PAPPA: variants seen among roughly 807,000 people sequenced by gnomAD.
PAPPA encodes the protein pappalysin 1.
In PAPPA, 60 loss-of-function variants were observed where a neutral mutation model predicts 164.0. The ratio of observed to expected loss-of-function variants is 0.37; its 90% CI spans 0.30 to 0.45. The LOEUF (loss-of-function observed/expected upper bound fraction) is 0.45, where lower values mean the gene tolerates loss of function less well. Among genes scored for constraint, PAPPA ranks in the 20% least tolerant of loss-of-function variants. The pLI is 1.00. For missense variants in PAPPA, 1,782 were observed against 2,087.3 expected (o/e 0.85, Z 2.85); for synonymous variants, 875 against 814.1 (o/e 1.07, Z -1.27).
At chr9:116,286,783 T>A (rs1372262191) in intron 9 of PAPPA, 1 of 152,240 alleles carries the variant, frequency 6.6e-6, no homozygotes, top group African/African-American at 2.4e-5. Context: ...CTTTAAAAAA[T>A]TTGTTTTTTA....
At chr9:116,363,268 T>C (rs2118633675) in intron 18 of PAPPA, among the ~76,000 whole-genome samples, 1 of 152,240 alleles carries the variant, frequency 6.6e-6, no homozygotes, top group Non-Finnish European at 1.5e-5. Flanking sequence ...CAATAACCTT[T>C]AACAGATGAG....
At chr9:116,306,208 C>G (rs1318627415) in intron 10 of PAPPA, among the ~76,000 whole-genome samples, 1 of 152,192 alleles carries the variant, frequency 6.6e-6, no homozygotes, top group Non-Finnish European at 1.5e-5. Flanking sequence ...AAATACCCAG[C>G]CTCTGACCTA....
intron 13 of PAPPA, among the ~76,000 whole-genome samples, chr9:116,341,416 T>A (rs1846135584): frequency 6.6e-6 from 1 of 152,184 alleles, no homozygotes; most frequent in Admixed American, 6.5e-5. Context: ...ATTTTATACC[T>A]GCTCTTCCCT....
At chr9:116,382,733 G>A (rs185977227) in intron 21 of PAPPA, among the ~76,000 whole-genome samples, 1 of 152,264 alleles carries the variant, frequency 6.6e-6, no homozygotes, top group Admixed American at 6.5e-5. Flanking sequence ...TACGGAAGCA[G>A]GTAATAAAAC....
chr9:116,162,625 A>T (rs1462316830), intron 1 of PAPPA, among the ~76,000 whole-genome samples: 1 of 152,204 alleles, frequency 6.6e-6, no homozygotes, highest in Non-Finnish European at 1.5e-5. Flanking sequence ...TGCAGATAAT[A>T]CTAGCTGTTA....
At chr9:116,179,627 C>G (rs1248391736) in intron 1 of PAPPA, among the ~76,000 whole-genome samples, 1 of 152,198 alleles carries the variant, frequency 6.6e-6, no homozygotes, top group Non-Finnish European at 1.5e-5. Flanking sequence ...CCCCAGGTAC[C>G]CTCCTCGGTG....
Position 116,265,878 on chromosome 9 carries a change from G to A in PAPPA, c.2754G>A (p.Val918=). The A allele has an allele frequency of 6.2e-7, 1 of 1,606,798 alleles. No homozygotes were observed. Among genetic ancestry groups the A allele is most frequent in the African/African-American group, 1.3e-5 (1 of 74,932 alleles). The change falls in exon 8 of 22, where the codon GTG becomes GTA. Residue 918 remains valine, a synonymous_variant. Coordinates refer to ENST00000328252, the MANE Select transcript of PAPPA (RefSeq NM_002581.5). ...FVDMDLNLGS[V]YQYWVITISG... Reference sequence around the variant, plus strand: ...CCAGGGATCTAAATCTTGGCAGTGTGTACCAGTATTGGGTCATAACTATTT... The same window carrying A: ...CCAGGGATCTAAATCTTGGCAGTGTATACCAGTATTGGGTCATAACTATTT...
Position 116,398,329 on chromosome 9 carries a change from T to C in PAPPA, c.*1713T>C. On this transcript the variant is annotated 3_prime_UTR_variant, in exon 22 of 22. Transcript: ENST00000328252. ...GAAGGTCTAGACTAGTTACATCACA[T>C]AGGGATTACTGTAAATCAAGTCATC... is the stretch of plus-strand genomic sequence containing the variant. The C allele has an allele frequency of 3.2e-6, 1 of 313,660 alleles. No homozygotes were observed. Among genetic ancestry groups the C allele is most frequent in the South Asian group, 2.7e-5 (1 of 36,718 alleles). 19.4% of individuals were successfully genotyped at this position (313,660 alleles called of 1,614,324 possible).
At chr9:116,219,735 T>C (rs1392581326) in intron 4 of PAPPA, among the ~76,000 whole-genome samples, 1 of 152,142 alleles carries the variant, frequency 6.6e-6, no homozygotes, top group Non-Finnish European at 1.5e-5. Flanking sequence ...CCCTCCTGTT[T>C]CCTCTCACCT....
At chr9:116,204,052 A>G (rs1303711539) in intron 2 of PAPPA, among the ~76,000 whole-genome samples, 1 of 152,168 alleles carries the variant, frequency 6.6e-6, no homozygotes, top group African/African-American at 2.4e-5. Context: ...GTTCTTTCCC[A>G]GCAGGAGAAA....
intron 10 of PAPPA, among the ~76,000 whole-genome samples, chr9:116,312,288 C>CTTTCT (rs1845728233): frequency 3.1e-5 from 4 of 129,636 alleles, no homozygotes; most frequent in South Asian, 2.5e-4. Context: ...TTCTTTCTTT[C>CTTTCT]TTTTTTTTTT....
chr9:116,310,659 T>C (rs1343938426), intron 10 of PAPPA, among the ~76,000 whole-genome samples: 1 of 152,206 alleles, frequency 6.6e-6, no homozygotes, highest in East Asian at 1.9e-4. Flanking sequence ...TCTCTTCTAT[T>C]CATCCTTTGG....
intron 13 of PAPPA, among the ~76,000 whole-genome samples, chr9:116,337,594 C>T (rs13294988): frequency 0.59 from 90,049 of 151,646 alleles, 27,959 homozygotes; most frequent in Middle Eastern, 0.73. Context: ...AGTACTGTTT[C>T]TCCCCTCCCC....
At chr9:116,311,424 C>A (rs1845716531) in intron 10 of PAPPA, among the ~76,000 whole-genome samples, 1 of 152,134 alleles carries the variant, frequency 6.6e-6, no homozygotes, top group Non-Finnish European at 1.5e-5. Flanking sequence ...ATGGAATTAA[C>A]CTTAGAGGTT....
intron 10 of PAPPA, among the ~76,000 whole-genome samples, chr9:116,313,774 G>A (rs886418072): frequency 1.3e-5 from 2 of 152,148 alleles, no homozygotes; most frequent in Non-Finnish European, 2.9e-5. Flanking sequence ...GAACTAATTG[G>A]TTTAATTTTA....
At chr9:116,342,085 C>T (rs1402404465) in intron 13 of PAPPA, among the ~76,000 whole-genome samples, 1 of 152,208 alleles carries the variant, frequency 6.6e-6, no homozygotes, top group Non-Finnish European at 1.5e-5. Context: ...TCATCTTTCC[C>T]TCTGGGTCTT....
chr9:116,260,007 T>G (rs1425863750), intron 7 of PAPPA, among the ~76,000 whole-genome samples: 2 of 152,200 alleles, frequency 1.3e-5, no homozygotes, highest in African/African-American at 4.8e-5. Context: ...ACGCCAGATC[T>G]ACTTGTAGCA....
chr9:116,242,012 A>T (rs939797312), intron 7 of PAPPA, among the ~76,000 whole-genome samples: 6 of 152,168 alleles, frequency 3.9e-5, no homozygotes, highest in African/African-American at 1.4e-4. Flanking sequence ...CATGTTAAGT[A>T]ATACTTGTCC....
Position 116,332,579 on chromosome 9 carries a change from T to C in PAPPA, c.3397+111T>C. On this transcript the variant is annotated intron_variant, in intron 12 of 21. Coordinates refer to ENST00000328252, the MANE Select transcript of PAPPA (RefSeq NM_002581.5). Reference sequence around the variant, plus strand: ...TGAGCTCTTCCTTCCTTTTTCCCCTTTCTTGCTTCTTTTCTATTTGGCATT... The same window carrying C: ...TGAGCTCTTCCTTCCTTTTTCCCCTCTCTTGCTTCTTTTCTATTTGGCATT... 4.1e-6 allele frequency: 4 copies of C among 969,008 alleles called. No homozygotes were observed. The Admixed American group carries it at 9.4e-5, about 23-fold the overall frequency. 60.0% of individuals were successfully genotyped at this position (969,008 alleles called of 1,614,324 possible).
Sources: gnomAD v4.1 joint callset for allele counts (sites outside exome capture counted in the v4.1 genomes callset) on GRCh38, gnomAD v4.1.1 for gene constraint, MANE v1.5 for transcripts, NCBI Gene and HGNC (gene_info 2026-07-23, HGNC 2026-07-21) for gene names.